Variants in MRTO4 observed in about 807,000 individuals in gnomAD.
MRTO4 encodes the protein mRNA turnover protein 4 homolog.
A neutral mutation model predicts 28.6 loss-of-function variants in MRTO4; 7 were observed. That is an observed-to-expected ratio of 0.24 (90% CI 0.14 to 0.46). The LOEUF is 0.46. MRTO4 is among the 20% of genes least tolerant of loss of function. The pLI, the probability that MRTO4 is intolerant of heterozygous loss-of-function variation, is 0.99. For synonymous variants in MRTO4, 113 were observed against 108.2 expected (o/e 1.04, Z -0.27); for missense variants, 302 against 298.3 (o/e 1.01, Z -0.09).
chr1:19,254,808 G>T lies in MRTO4; in HGVS notation c.55G>T (p.Gly19Cys). The T allele has an allele frequency of 6.2e-7, 1 of 1,610,238 alleles. No individual in the cohort carries two copies. The highest frequency in any genetic ancestry group is 8.5e-7 in the Non-Finnish European group (1 of 1,179,026). Residue 19 changes from glycine (G) to cysteine (C), a missense_variant, in exon 2 of 8, where the codon GGC (glycine) becomes TGC (cysteine). Coordinates refer to ENST00000330263, the MANE Select transcript of MRTO4 (RefSeq NM_016183.4). Reference sequence around the variant, plus strand: ...CTCCTTAACCAAAACTGCCAAGAAAGGCTTGGAATTGAAACAAAACCTGAT... The same window carrying T: ...CTCCTTAACCAAAACTGCCAAGAAATGCTTGGAATTGAAACAAAACCTGAT... ...KVSLTKTAKKGLELKQNLIEE... is the reference protein window; with the variant it reads ...KVSLTKTAKKCLELKQNLIEE...
chr1:19,255,529 T>TG (rs914483846), intron 2 of MRTO4, among the ~76,000 whole-genome samples: 2 of 152,056 alleles, frequency 1.3e-5, no homozygotes, highest in Non-Finnish European at 2.9e-5. Flanking sequence ...TCCTGCACAA[T>TG]GACTCCACTC....
intron 4 of MRTO4, 100 bp from the exon 5 acceptor site, chr1:19,257,353 AC>A: frequency 7.1e-7 from 1 of 1,402,010 alleles, no homozygotes; most frequent in Non-Finnish European, 1.0e-6. Flanking sequence ...ACAACCAAAA[AC>A]GTCTTTAAAT....
Position 19,257,513 on chromosome 1 carries a change from G to C in MRTO4, c.333G>C (p.Glu111Asp), listed in dbSNP as rs1254600737. 1 of 1,614,218 alleles carries C rather than the reference G, an allele frequency of 6.2e-7. No individual in the cohort carries two copies. Among genetic ancestry groups the C allele is most frequent in the Non-Finnish European group, 8.5e-7 (1 of 1,180,026 alleles). The change falls in exon 5 of 8, where the codon GAG becomes GAC. Residue 111 changes from glutamate (E) to aspartate (D), a missense_variant. Coordinates refer to ENST00000330263, the MANE Select transcript of MRTO4 (RefSeq NM_016183.4). ...GLLFTNRTKEEVNEWFTKYTE... is the reference protein window; with the variant it reads ...GLLFTNRTKEDVNEWFTKYTE... ...TGTTCACCAACCGCACAAAGGAGGA[G>C]GTGAATGAGTAAGTACTGCTGAGGA... is the stretch of plus-strand genomic sequence containing the variant.
At chr1:19,253,705 T>C (rs1329632999) in intron 1 of MRTO4, among the ~76,000 whole-genome samples, 1 of 152,222 alleles carries the variant, frequency 6.6e-6, no homozygotes, top group Non-Finnish European at 1.5e-5. Context: ...CATTGACTGA[T>C]GTCATTGTCT....
chr1:19,257,198 C>T, intron 4 of MRTO4, 53 bp downstream of exon 4: 1 of 1,560,486 alleles, frequency 6.4e-7, no homozygotes, highest in Non-Finnish European at 8.8e-7. Context: ...CCCTCTCTCC[C>T]ACTACTCCCA....
Position 19,257,162 on chromosome 1 carries a change from C to T in MRTO4, c.273+17C>T, listed in dbSNP as rs1005857081. 4 of 1,612,604 alleles carry T rather than the reference C, an allele frequency of 2.5e-6. No homozygotes were observed. Among genetic ancestry groups the T allele is most frequent in the Middle Eastern group, 1.7e-4 (1 of 6,040 alleles). ...CTGCACCAGGTAAGTCTCTGGCCCT[C>T]ACGGGGTGGAGCTAAGGCAAAGCCG... is the stretch of plus-strand genomic sequence containing the variant. On this transcript the variant is annotated intron_variant, in intron 4 of 7. Transcript: ENST00000330263.
chr1:19,252,267 C>T (rs1164423393), intron 1 of MRTO4: 2 of 246,584 alleles, frequency 8.1e-6, no homozygotes, highest in African/African-American at 2.3e-5. Flanking sequence ...CCGTGTCTGG[C>T]GTTGTGTGTC....
At chr1:19,254,209 A>G (rs2093668259) in intron 1 of MRTO4, among the ~76,000 whole-genome samples, 1 of 152,156 alleles carries the variant, frequency 6.6e-6, no homozygotes, top group African/African-American at 2.4e-5. Context: ...CCATCTCTGC[A>G]AAAAATACAA....
intron 1 of MRTO4, chr1:19,252,341 T>C: frequency 5.6e-6 from 1 of 178,354 alleles, no homozygotes; most frequent in Non-Finnish European, 1.2e-5. Flanking sequence ...AGTTGTCAGT[T>C]AATAGGATCC....
At chr1:19,254,928 C>T in intron 2 of MRTO4, 88 bp downstream of exon 2, 2 of 1,178,852 alleles carry the variant, frequency 1.7e-6, no homozygotes, top group Non-Finnish European at 2.4e-6. Flanking sequence ...GACTGTTGGC[C>T]AGGGGAACAT....
chr1:19,257,686 G>C, intron 5 of MRTO4, 147 bp from the exon 6 acceptor site: 2 of 1,363,486 alleles, frequency 1.5e-6, no homozygotes, highest in Non-Finnish European at 2.1e-6. Context: ...GTCCTCTCCA[G>C]CATGGTGCTC....
intron 4 of MRTO4, 87 bp downstream of exon 4, chr1:19,257,232 G>C: frequency 1.4e-6 from 2 of 1,436,798 alleles, no homozygotes; most frequent in Non-Finnish European, 1.9e-6. Flanking sequence ...CCCAGCCATT[G>C]GCAGGCCGGA....
intron 5 of MRTO4, 87 bp downstream of exon 5, chr1:19,257,608 G>T: frequency 4.5e-6 from 7 of 1,542,506 alleles, no homozygotes; most frequent in Non-Finnish European, 4.5e-6. Flanking sequence ...TTCCATATGT[G>T]GCATCAAGTT....
Position 19,251,892 on chromosome 1 carries a change from G to C in MRTO4, c.28+29G>C, listed in dbSNP as rs554468523. 3 of 1,585,016 alleles carry C rather than the reference G, an allele frequency of 1.9e-6. No individual in the cohort carries two copies. In the African/African-American group the frequency reaches 4.0e-5, roughly 21 times the overall value. ...GGCGAAGGGGGAGTCGGGACCCTGGGGGGAGCTCCGTGGGCTGGCTACCCA... is the reference window on the plus strand; with the variant it reads ...GGCGAAGGGGGAGTCGGGACCCTGGCGGGAGCTCCGTGGGCTGGCTACCCA... On this transcript the variant is annotated intron_variant, in intron 1 of 7. Transcript: ENST00000330263.
chr1:19,253,784 T>G (rs779999521), intron 1 of MRTO4, among the ~76,000 whole-genome samples: 8 of 152,168 alleles, frequency 5.3e-5, no homozygotes, highest in Non-Finnish European at 1.0e-4. Flanking sequence ...CCTGGGTCCC[T>G]TTGTGAAGGC....
At chr1:19,254,502 GT>G (rs1221687117) in intron 1 of MRTO4, among the ~76,000 whole-genome samples, 1 of 152,198 alleles carries the variant, frequency 6.6e-6, no homozygotes, top group African/African-American at 2.4e-5. Context: ...CTGCAATCAA[GT>G]TTTTTGGGTC....
chr1:19,258,343 C>T (rs2093674709), intron 6 of MRTO4, 134 bp from the exon 7 acceptor site: 2 of 1,081,940 alleles, frequency 1.8e-6, no homozygotes, highest in East Asian at 4.8e-5. Context: ...CTCAGGGAGA[C>T]AGCCACTGCC....
At chr1:19,253,623 C>G (rs2093667057) in intron 1 of MRTO4, among the ~76,000 whole-genome samples, 1 of 152,144 alleles carries the variant, frequency 6.6e-6, no homozygotes, top group African/African-American at 2.4e-5. Context: ...CTGGCTTGAG[C>G]CAAAGGTATA....
Position 19,257,070 on chromosome 1 carries a change from C to A in MRTO4, c.198C>A (p.Phe66Leu). Residue 66 changes from phenylalanine (F) to leucine (L), a missense_variant, in exon 4 of 8, where the codon TTC becomes TTA. By Grantham distance (22) the Phe-to-Leu change is conservative. Coordinates refer to ENST00000330263, the MANE Select transcript of MRTO4 (RefSeq NM_016183.4). ...IRNAWKHSRM[F>L]FGKNKVMMVA... is the part of the protein sequence containing the mutation. ...TCTTTCTCTTGCTTGGTAGGATGTT[C>A]TTTGGCAAAAACAAGGTGATGATGG... is the stretch of plus-strand genomic sequence containing the variant. 5 of 1,613,964 alleles carry A rather than the reference C, an allele frequency of 3.1e-6. No individual in the cohort carries two copies. The highest frequency in any genetic ancestry group is 4.2e-6 in the Non-Finnish European group (5 of 1,179,938).
Sources: allele counts gnomAD v4.1 joint callset (sites outside exome capture counted in the v4.1 genomes callset), GRCh38; gene constraint gnomAD v4.1.1; transcripts MANE v1.5; gene names NCBI Gene and HGNC (gene_info 2026-07-23, HGNC 2026-07-21).